UBXN2A: variants seen among roughly 807,000 people sequenced by gnomAD.
The protein encoded by UBXN2A is UBX domain protein 2A.
In UBXN2A, 28 loss-of-function variants were observed where a neutral mutation model predicts 28.4. That is an observed-to-expected ratio of 0.99 (90% confidence interval 0.73 to 1.35). The LOEUF is 1.35. Ranked by LOEUF, UBXN2A falls within the 40% of genes most tolerant of loss-of-function variation. The probability of loss-of-function intolerance (pLI) is 0.00; values close to 1 mark genes in which losing one functional copy is unlikely to be tolerated. For synonymous variants in UBXN2A, 97 were observed against 103.6 expected (o/e 0.94, Z 0.39); for missense variants, 253 against 297.9 (o/e 0.85, Z 1.11).
chr2:23,985,001 A>G (rs1013337563), intron 6 of UBXN2A, among the ~76,000 whole-genome samples, 170 bp downstream of exon 6: 12 of 152,084 alleles, frequency 7.9e-5, no homozygotes, highest in Admixed American at 3.9e-4. Context: ...TCCTGGATTC[A>G]AGCAATCCTC....
At chr2:23,981,711 T>C (rs964336616) in intron 4 of UBXN2A, among the ~76,000 whole-genome samples, 2 of 151,190 alleles carry the variant, frequency 1.3e-5, no homozygotes, top group Admixed American at 6.6e-5. Context: ...CTGGGCAACA[T>C]GGTGAAACCC....
intron 1 of UBXN2A, among the ~76,000 whole-genome samples, chr2:23,945,993 G>T (rs929051341): frequency 6.6e-6 from 1 of 151,656 alleles, no homozygotes; most frequent in Non-Finnish European, 1.5e-5. Flanking sequence ...TCCCACGTCC[G>T]GCTAGTTTTT....
intron 1 of UBXN2A, among the ~76,000 whole-genome samples, chr2:23,928,924 A>G (rs939262866): frequency 2.6e-5 from 4 of 152,160 alleles, no homozygotes; most frequent in African/African-American, 9.7e-5. Flanking sequence ...ATGGAACCAT[A>G]CCTGGATTTT....
chr2:23,946,383 T>C (rs1221397585), intron 1 of UBXN2A, among the ~76,000 whole-genome samples: 1 of 151,690 alleles, frequency 6.6e-6, no homozygotes, highest in Non-Finnish European at 1.5e-5. Flanking sequence ...TGCAGTGGCG[T>C]GATCTCGGCT....
intron 1 of UBXN2A, chr2:23,943,891 G>A (rs531862524): frequency 5.5e-5 from 22 of 401,714 alleles, no homozygotes; most frequent in Non-Finnish European, 9.9e-5. Context: ...CATTGCCTCC[G>A]AGCGCACTTT....
chr2:23,943,062 TCTC>T (rs147875645), intron 1 of UBXN2A, among the ~76,000 whole-genome samples: 3,948 of 151,860 alleles, frequency 0.026, 170 homozygotes, highest in African/African-American at 0.091. Flanking sequence ...TTCAAACGAT[TCTC>T]CTGCCTCAGC....
chr2:23,995,950 C>T (rs1708514462), intron 6 of UBXN2A, among the ~76,000 whole-genome samples: 2 of 152,018 alleles, frequency 1.3e-5, no homozygotes, highest in Admixed American at 1.3e-4. Context: ...ATTTGGAGTG[C>T]AGTGGCTCAA....
intron 6 of UBXN2A, among the ~76,000 whole-genome samples, chr2:23,986,063 C>G (rs183146321): frequency 6.6e-6 from 1 of 152,062 alleles, no homozygotes; most frequent in Non-Finnish European, 1.5e-5. Context: ...AATCCCAGCA[C>G]TTTGGGAGGC....
intron 3 of UBXN2A, among the ~76,000 whole-genome samples, chr2:23,975,648 GTTTT>G (rs1468896960): frequency 2.6e-5 from 4 of 151,786 alleles, no homozygotes; most frequent in Non-Finnish European, 5.9e-5. Flanking sequence ...TTCTTTTTTC[GTTTT>G]TTTAAGATGG....
Position 23,940,820 on chromosome 2 carries a change from G to T in UBXN2A, c.-15+172G>T, listed in dbSNP as rs375545430. 7.2e-3 allele frequency among the ~76,000 whole-genome samples: 1,089 copies of T among 152,126 alleles called. 10 individuals carry two copies. The highest frequency in any genetic ancestry group is 0.025 in the African/African-American group (1,040 of 41,548). On this transcript the variant is annotated intron_variant, in intron 1 of 6. Transcript: ENST00000309033. ...TGTTTGCGACTCGGGAAGGGGCGCC[G>T]GCGGCGGAGCCCGAGCCAGGGTCCC...
rs191777587 is a variant in UBXN2A, at chr2:23,935,322, A to G, written c.-137-4218A>G. Among the ~76,000 whole-genome samples, 109 of 152,312 alleles carry G rather than the reference A, an allele frequency of 7.2e-4. 1 individual carries two copies. The highest frequency in any genetic ancestry group is 7.1e-3 in the Admixed American group (109 of 15,296). On this transcript the variant is annotated intron_variant, in intron 1 of 7. Transcript: ENST00000404924. ...ATCAGAGGAAAGATTTGCAAATCACATATCTGATAAGGGATTACTATCCAT... is the reference window on the plus strand; with the variant it reads ...ATCAGAGGAAAGATTTGCAAATCACGTATCTGATAAGGGATTACTATCCAT...
chr2:23,982,548 C>T (rs183442319), intron 4 of UBXN2A, among the ~76,000 whole-genome samples: 2 of 152,026 alleles, frequency 1.3e-5, no homozygotes, highest in African/African-American at 4.8e-5. Context: ...ATAATCCCAG[C>T]ACTTTGGGAG....
intron 6 of UBXN2A, among the ~76,000 whole-genome samples, chr2:23,988,851 C>A (rs1280370788): frequency 6.6e-6 from 1 of 152,136 alleles, no homozygotes; most frequent in African/African-American, 2.4e-5. Context: ...TGCACATTGT[C>A]TCAGGTACAG....
In UBXN2A at chr2:24,002,212, C is replaced by G. The variant is rs1375024059; in HGVS notation, c.*2345C>G. 1 of 152,040 alleles carries G rather than the reference C, an allele frequency of 6.6e-6. No homozygotes were observed. The highest frequency in any genetic ancestry group is 1.5e-5 in the Non-Finnish European group (1 of 68,088). 9.4% of individuals were successfully genotyped at this position (152,040 alleles called of 1,614,324 possible). Reference sequence around the variant, plus strand: ...CTGAGGTCAGGAGTTCGAGACCAGCCTGGTCAATGTGGTGAAACCATGTCT... The same window carrying G: ...CTGAGGTCAGGAGTTCGAGACCAGCGTGGTCAATGTGGTGAAACCATGTCT... On this transcript the variant is annotated 3_prime_UTR_variant, in exon 7 of 7. Coordinates refer to ENST00000309033, the MANE Select transcript of UBXN2A (RefSeq NM_181713.4).
intron 1 of UBXN2A, among the ~76,000 whole-genome samples, chr2:23,933,852 A>G (rs1313620160): frequency 6.6e-6 from 1 of 152,240 alleles, no homozygotes; most frequent in Non-Finnish European, 1.5e-5. Context: ...GTAGGATGCA[A>G]TCCATGGGAC....
At chr2:23,989,202 C>T (rs1708245928) in intron 6 of UBXN2A, among the ~76,000 whole-genome samples, 1 of 151,948 alleles carries the variant, frequency 6.6e-6, no homozygotes, top group Non-Finnish European at 1.5e-5. Flanking sequence ...TACCCTGATA[C>T]CAAAATCAAC....
intron 1 of UBXN2A, among the ~76,000 whole-genome samples, chr2:23,933,436 G>A (rs760605834): frequency 8.3e-4 from 126 of 152,332 alleles, no homozygotes; most frequent in Non-Finnish European, 1.6e-3. Context: ...AACCCGGGAG[G>A]CAGAGGTTGC....
chr2:23,960,284 G>C (rs1706842371), intron 2 of UBXN2A, among the ~76,000 whole-genome samples: 1 of 151,760 alleles, frequency 6.6e-6, no homozygotes, highest in African/African-American at 2.4e-5. Context: ...AGAAATCCAA[G>C]TTTGCAGATG....
At chr2:23,946,336 G>GC in intron 1 of UBXN2A, among the ~76,000 whole-genome samples, 1 of 139,926 alleles carries the variant, frequency 7.1e-6, no homozygotes, top group East Asian at 2.1e-4. Flanking sequence ...GTTTTTTGTT[G>GC]TTTTTTTTTT....
Sources: gnomAD v4.1 joint callset for allele counts (sites outside exome capture counted in the v4.1 genomes callset) on GRCh38, gnomAD v4.1.1 for gene constraint, MANE v1.5 for transcripts, NCBI Gene and HGNC (gene_info 2026-07-23, HGNC 2026-07-21) for gene names.